Variants in EIF5A2 observed in about 807,000 individuals in gnomAD.
The protein encoded by EIF5A2 is eukaryotic translation initiation factor 5A2.
EIF5A2 carries 15 observed loss-of-function variants against 16.4 expected under a neutral mutation model. That is an observed-to-expected ratio of 0.92 (90% CI 0.61 to 1.41). EIF5A2 has a LOEUF of 1.41. Ranked by LOEUF, EIF5A2 falls within the 40% of genes most tolerant of loss-of-function variation. EIF5A2 has a pLI of 0.00. For missense variants in EIF5A2, 144 were observed against 189.5 expected, an observed-to-expected ratio of 0.76 and a Z score of 1.41; for synonymous variants, 48 against 61.1, an observed-to-expected ratio of 0.79 and a Z score of 1.00.
chr3:170,891,935 C>T lies in EIF5A2; in HGVS notation c.*1425G>A, dbSNP rs1456257267. 2 of 152,376 alleles carry T rather than the reference C, an allele frequency of 1.3e-5. No individual in the cohort carries two copies. Among genetic ancestry groups the T allele is most frequent in the African/African-American group, 4.8e-5 (2 of 41,380 alleles). 9.4% of individuals were successfully genotyped at this position (152,376 alleles called of 1,614,324 possible). ...CCAGCAACTGAATTAAGTCACACAACAATCAGAAAAAATGCATATACTTAA... is the reference window on the plus strand; with the variant it reads ...CCAGCAACTGAATTAAGTCACACAATAATCAGAAAAAATGCATATACTTAA... On this transcript the variant is annotated 3_prime_UTR_variant, in exon 5 of 5. Transcript: ENST00000295822.
intron 2 of EIF5A2, 47 bp from the exon 3 acceptor site, chr3:170,907,140 C>A: frequency 8.2e-7 from 1 of 1,219,706 alleles, no homozygotes; most frequent in South Asian, 1.3e-5. Context: ...CCAAGTATAT[C>A]ACTCATTACA....
chr3:170,907,272 A>G lies in EIF5A2; in HGVS notation c.166-179T>C, dbSNP rs3817415. ...TACAATTAAGAGGCAGTAAACAACTAAACAGTATCACGACATGTCAAGACC... is the reference window on the plus strand; with the variant it reads ...TACAATTAAGAGGCAGTAAACAACTGAACAGTATCACGACATGTCAAGACC... On this transcript the variant is annotated intron_variant, in intron 2 of 4. Transcript: ENST00000295822. Among the ~76,000 whole-genome samples the G allele has an allele frequency of 1.5e-3, 222 of 152,354 alleles. 2 individuals are homozygous for G. In the East Asian group the frequency reaches 0.017, roughly 12 times the overall value.
chr3:170,907,974 G>T, intron 1 of EIF5A2, 133 bp from the exon 2 acceptor site: 1 of 591,640 alleles, frequency 1.7e-6, no homozygotes, highest in Non-Finnish European at 2.6e-6. Flanking sequence ...CCCTAGACTA[G>T]TGGCCACTTT....
At chr3:170,895,240 T>C (rs1477492725) in intron 3 of EIF5A2, among the ~76,000 whole-genome samples, 5 of 152,064 alleles carry the variant, frequency 3.3e-5, no homozygotes, top group Non-Finnish European at 5.9e-5. Context: ...ATGCATTTTC[T>C]AATTTGAGTA....
intron 4 of EIF5A2, 151 bp downstream of exon 4, chr3:170,894,141 G>C (rs1712606213): frequency 1.3e-6 from 1 of 793,350 alleles, no homozygotes; most frequent in Non-Finnish European, 1.9e-6. Flanking sequence ...GAGTCTCTAA[G>C]GGTTTTATGG....
Position 170,906,211 on chromosome 3 carries a change from G to C in EIF5A2, c.270+778C>G, listed in dbSNP as rs932390093. On this transcript the variant is annotated intron_variant, in intron 3 of 4. Coordinates refer to ENST00000295822, the MANE Select transcript of EIF5A2 (RefSeq NM_020390.6). ...CAGAAATGAGTTTGATATATGGTAT[G>C]CTTGATACAGAAATTGAAGACTTTC... Among the ~76,000 whole-genome samples the C allele has an allele frequency of 7.9e-5, 12 of 152,142 alleles. 1 individual carries two copies. The highest frequency in any genetic ancestry group is 2.7e-4 in the African/African-American group (11 of 41,456).
In EIF5A2 at chr3:170,894,433, G is replaced by T. The variant is rs1488876661; in HGVS notation, c.271-10C>A. 3.1e-6 allele frequency: 5 copies of T among 1,613,166 alleles called. No homozygotes were observed. The highest frequency in any genetic ancestry group is 4.5e-5 in the East Asian group (2 of 44,804). On this transcript the variant is annotated splice_polypyrimidine_tract_variant and intron_variant, in intron 3 of 4. Coordinates refer to ENST00000295822, the MANE Select transcript of EIF5A2 (RefSeq NM_020390.6). ...CTTGAATGCATATCAGCTATTAGAA[G>T]AAATTATATCATTTGTGCTGATTAG...
In EIF5A2 at chr3:170,907,699, T is replaced by C; in HGVS notation, c.108A>G (p.Arg36=). The change falls in exon 2 of 5, where the codon CGA becomes CGG. Residue 36 remains arginine, a synonymous_variant. Coordinates refer to ENST00000295822, the MANE Select transcript of EIF5A2 (RefSeq NM_020390.6). ...TTGACATCTCCACTATTTTGCATGG[T>C]CGTCCTTTGAGCACCACGAAGCCGT... ...RKNGFVVLKG[R]PCKIVEMSTS... is the part of the protein sequence containing the mutation. 2 of 1,611,140 alleles carry C rather than the reference T, an allele frequency of 1.2e-6. No individual in the cohort carries two copies. The highest frequency in any genetic ancestry group is 1.7e-6 in the Non-Finnish European group (2 of 1,177,630).
intron 3 of EIF5A2, among the ~76,000 whole-genome samples, chr3:170,897,638 T>G (rs1431941610): frequency 2.0e-5 from 3 of 152,142 alleles, no homozygotes; most frequent in Non-Finnish European, 4.4e-5. Context: ...CCGCCTAGAT[T>G]TCAGAGGATG....
At chr3:170,903,573 C>T (rs966483392) in intron 3 of EIF5A2, among the ~76,000 whole-genome samples, 56 of 152,246 alleles carry the variant, frequency 3.7e-4, no homozygotes, top group African/African-American at 1.3e-3. Context: ...TTCTAGTCCT[C>T]GCAACATTGG....
chr3:170,906,275 T>A lies in EIF5A2; in HGVS notation c.270+714A>T, dbSNP rs115473751. Among the ~76,000 whole-genome samples the A allele has an allele frequency of 6.3e-3, 956 of 152,260 alleles. 12 individuals carry two copies. The highest frequency in any genetic ancestry group is 0.022 in the African/African-American group (895 of 41,556). ...GTTATAAGTAATCTGAGCTTCCACA[T>A]CCTATAAGGTCAATTATTTTGTTAT... On this transcript the variant is annotated intron_variant, in intron 3 of 4. Transcript: ENST00000295822.
Position 170,907,226 on chromosome 3 carries a change from T to G in EIF5A2, c.166-133A>C, listed in dbSNP as rs576649313. 180 of 561,260 alleles carry G rather than the reference T, an allele frequency of 3.2e-4. No individual in the cohort carries two copies. In the African/African-American group the frequency reaches 3.3e-3, roughly 10 times the overall value. 34.8% of individuals were successfully genotyped at this position (561,260 alleles called of 1,614,324 possible). A position where few individuals can be genotyped will look rare whatever the true frequency, so the allele number is the denominator to read the frequency against. ...CCTTCCAAGGTCATCTAATTTTACT[T>G]AAAAAAAAATGTAGTGGTCTTACAA... On this transcript the variant is annotated intron_variant, in intron 2 of 4. Coordinates refer to ENST00000295822, the MANE Select transcript of EIF5A2 (RefSeq NM_020390.6).
In EIF5A2 at chr3:170,907,678, C is replaced by T; in HGVS notation, c.129G>A (p.Met43Ile). The T allele has an allele frequency of 6.2e-7, 1 of 1,607,242 alleles. No individual in the cohort carries two copies. The highest frequency in any genetic ancestry group is 8.5e-7 in the Non-Finnish European group (1 of 1,174,566). The part of the protein sequence containing the change: ...LKGRPCKIVE[M>I]STSKTGKHGH... The stretch of plus-strand genomic sequence containing the variant: ...CATGCTTTCCAGTTTTGGAAGTTGA[C>T]ATCTCCACTATTTTGCATGGTCGTC... The change falls in exon 2 of 5, where the codon ATG (methionine) becomes ATA (isoleucine). Residue 43 changes from methionine to isoleucine, a missense_variant. Physicochemically the swap from Met to Ile is conservative, Grantham distance 10. Coordinates refer to ENST00000295822, the MANE Select transcript of EIF5A2 (RefSeq NM_020390.6).
At position 170,890,409 on chromosome 3, in the gene EIF5A2, G is replaced by A. The variant is rs1488117915; in HGVS notation, c.*2951C>T. The A allele has an allele frequency of 3.9e-5, 6 of 151,976 alleles. No individual in the cohort carries two copies. The highest frequency in any genetic ancestry group is 1.2e-4 in the African/African-American group (5 of 41,398). The allele number at this position is 151,976 out of a possible 1,614,324, so 9.4% of individuals were successfully genotyped here. On this transcript the variant is annotated 3_prime_UTR_variant, in exon 5 of 5. Transcript: ENST00000295822. ...AGAGTTTTGGTAATTAACATAAAGC[G>A]CTGGTACAGAGACTTGTATCATTAA...
chr3:170,896,276 A>G (rs1180165245), intron 3 of EIF5A2, among the ~76,000 whole-genome samples: 2 of 152,260 alleles, frequency 1.3e-5, no homozygotes, highest in Non-Finnish European at 2.9e-5. Flanking sequence ...CAAACATTAA[A>G]CATTAAGATA....
At position 170,895,286 on chromosome 3, in the gene EIF5A2, T is replaced by TCAA. The variant is rs367788235; in HGVS notation, c.271-866_271-864dup. On this transcript the variant is annotated intron_variant, in intron 3 of 4. Coordinates refer to ENST00000295822, the MANE Select transcript of EIF5A2 (RefSeq NM_020390.6). ...TAAGTGGAAAACTTTTGGTCTTCAG[T>TCAA]CAACAACAACAACAACAACAAAATC... is the stretch of plus-strand genomic sequence containing the variant. Among the ~76,000 whole-genome samples the TCAA allele has an allele frequency of 3.5e-3, 524 of 151,110 alleles. 6 individuals carry two copies. The highest frequency in any genetic ancestry group is 0.011 in the African/African-American group (453 of 41,204).
intron 3 of EIF5A2, among the ~76,000 whole-genome samples, chr3:170,902,592 T>C (rs1310441175): frequency 1.3e-5 from 2 of 148,260 alleles, no homozygotes; most frequent in Non-Finnish European, 3.0e-5. Context: ...TTTGTAGAGA[T>C]GTACAGAAGC....
rs757317323 is a variant in EIF5A2, at chr3:170,907,759, G to A, written c.48C>T (p.Ser16=). The A allele has an allele frequency of 5.0e-6, 8 of 1,587,656 alleles. No individual in the cohort carries two copies. The highest frequency in any genetic ancestry group is 1.7e-5 in the Admixed American group (1 of 59,516). ...DFTTGDAGAS[S]TYPMQCSALR... ...AGGCCGAGCACTGCATAGGGTAAGT[G>A]CTGGAAGCCCCGGCATCTCCAGTAG... The change falls in exon 2 of 5, where the codon AGC becomes AGT. Residue 16 remains serine, a synonymous_variant. Transcript: ENST00000295822.
chr3:170,907,092 A>G lies in EIF5A2; in HGVS notation c.167T>C (p.Val56Ala). ...GAAAATATCAATTCCAACAAGGTGA[A>G]CCTAACAGAGGAGAACAGGAAACCT... is the stretch of plus-strand genomic sequence containing the variant. ...SKTGKHGHAK[V>A]HLVGIDIFTG... is the part of the protein sequence containing the mutation. The change falls in exon 3 of 5, where the codon GTT (valine) becomes GCT (alanine). Residue 56 changes from valine (V) to alanine (A), a missense_variant and splice_region_variant. Physicochemically the swap from Val to Ala is moderately conservative, Grantham distance 64 (BLOSUM62 0). Transcript: ENST00000295822. 1 of 1,608,660 alleles carries G rather than the reference A, an allele frequency of 6.2e-7. No individual in the cohort carries two copies. The highest frequency in any genetic ancestry group is 1.7e-5 in the Admixed American group (1 of 59,848).
Sources: gnomAD v4.1 joint callset for allele counts (sites outside exome capture counted in the v4.1 genomes callset) on GRCh38, gnomAD v4.1.1 for gene constraint, MANE v1.5 for transcripts, NCBI Gene and HGNC (gene_info 2026-07-23, HGNC 2026-07-21) for gene names.